Variants in KDM2B observed in about 807,000 individuals in gnomAD.
KDM2B encodes the protein lysine demethylase 2B.
KDM2B carries 26 observed loss-of-function variants against 150.0 expected under a neutral mutation model. That is an observed-to-expected ratio of 0.17 (90% CI 0.13 to 0.24). KDM2B has a LOEUF of 0.24. Among genes scored for constraint, KDM2B ranks in the 10% least tolerant of loss-of-function variants. The probability of loss-of-function intolerance (pLI) is 1.00; values close to 1 mark genes in which losing one functional copy is unlikely to be tolerated. For synonymous variants in KDM2B, 734 were observed against 729.5 expected (o/e 1.01, Z -0.10); for missense variants, 1,265 against 1,816.9 (o/e 0.70, Z 5.52).
intron 8 of KDM2B, among the ~76,000 whole-genome samples, chr12:121,531,458 C>A (rs1387950302): frequency 6.6e-6 from 1 of 152,138 alleles, no homozygotes; most frequent in Non-Finnish European, 1.5e-5. Context: ...TCTTGGTGGC[C>A]TCAAAGGATA....
chr12:121,517,110 C>T (rs973188032), intron 9 of KDM2B, among the ~76,000 whole-genome samples: 30 of 152,216 alleles, frequency 2.0e-4, no homozygotes, highest in Admixed American at 1.6e-3. Flanking sequence ...CATACCTATT[C>T]CCTATCAACC....
In KDM2B at chr12:121,453,040, A is replaced by G; in HGVS notation, c.1959+80T>C. On this transcript the variant is annotated intron_variant, in intron 13 of 22. Transcript: ENST00000377071. The surrounding 1 kb of genome is among the most constrained non-coding windows in gnomAD (Gnocchi z 6.4). Reference sequence around the variant, plus strand: ...CTTCTCTGTGTGCGGAGGGGCGGCCAGAGCGAGCAGCGGTCAGACACGCGG... The same window carrying G: ...CTTCTCTGTGTGCGGAGGGGCGGCCGGAGCGAGCAGCGGTCAGACACGCGG... 1.6e-6 allele frequency: 2 copies of G among 1,260,530 alleles called. No individual in the cohort carries two copies. Among genetic ancestry groups the G allele is most frequent in the Non-Finnish European group, 2.2e-6 (2 of 926,408 alleles). The allele number at this position is 1,260,530 out of a possible 1,614,324, so 78.1% of individuals were successfully genotyped here.
chr12:121,423,584 T>C, the KDM2B span: 1 of 1,610,390 alleles, frequency 6.2e-7, no homozygotes, highest in Non-Finnish European at 8.5e-7. The surrounding 1 kb of genome is among the most constrained non-coding windows in gnomAD (Gnocchi z 4.3). Flanking sequence ...TGAAACAGGC[T>C]CCCCTCACCA....
intron 11 of KDM2B, among the ~76,000 whole-genome samples, chr12:121,507,914 G>A (rs1555303182): frequency 6.6e-6 from 1 of 152,136 alleles, no homozygotes; most frequent in African/African-American, 2.4e-5. Context: ...GGGAGGCTGA[G>A]GCAGAAGGAT....
intron 4 of KDM2B, among the ~76,000 whole-genome samples, chr12:121,557,231 A>ATTTTTTTTTTTTTTTTTTTTTTTTTT (rs142679491): frequency 9.6e-6 from 1 of 103,722 alleles, no homozygotes; most frequent in Non-Finnish European, 1.8e-5. Flanking sequence ...AGACAAGAGA[A>ATTTTTTTTTTTTTTTTTTTTTTTTTT]TTTTTTTTTT....
Position 121,532,967 on chromosome 12 carries a change from G to A in KDM2B, c.778-8C>T, listed in dbSNP as rs1555308093. ...AGGAATCAGCCAAAAAATCTTGGGA[G>A]AAAACACAGGCAGTCAGCTGGAGAC... On this transcript the variant is annotated splice_region_variant and splice_polypyrimidine_tract_variant and intron_variant, in intron 7 of 22. Transcript: ENST00000377071. 1 of 1,614,012 alleles carries A rather than the reference G, an allele frequency of 6.2e-7. No homozygotes were observed. The highest frequency in any genetic ancestry group is 1.3e-5 in the African/African-American group (1 of 75,048).
intron 9 of KDM2B, among the ~76,000 whole-genome samples, chr12:121,514,482 G>GATGGACCCA (rs1189167212): frequency 1.4e-4 from 21 of 151,882 alleles, no homozygotes; most frequent in African/African-American, 5.1e-4. Context: ...CAACGCCACT[G>GATGGACCCA]ATGGACCCAA....
intron 11 of KDM2B, among the ~76,000 whole-genome samples, chr12:121,497,777 A>C (rs1307065555): frequency 6.6e-6 from 1 of 151,958 alleles, no homozygotes; most frequent in Non-Finnish European, 1.5e-5. Flanking sequence ...CTTGGGTGGG[A>C]TCCTAGAACA....
At chr12:121,548,647 G>A (rs1454076356) in intron 6 of KDM2B, among the ~76,000 whole-genome samples, 4 of 152,226 alleles carry the variant, frequency 2.6e-5, no homozygotes, top group Admixed American at 6.5e-5. Flanking sequence ...CCCCAGGGGA[G>A]CTGGTCCCAG....
At chr12:121,570,472 C>A (rs1891015899) in intron 4 of KDM2B, among the ~76,000 whole-genome samples, 1 of 152,156 alleles carries the variant, frequency 6.6e-6, no homozygotes, top group Admixed American at 6.6e-5. Flanking sequence ...CAGGTGTGAG[C>A]CACCGCACCC....
chr12:121,533,073 G>C lies in KDM2B; in HGVS notation c.778-114C>G, dbSNP rs545453346. 17 of 1,028,878 alleles carry C rather than the reference G, an allele frequency of 1.7e-5. No individual in the cohort carries two copies. The African/African-American group carries it at 1.9e-4, about 11-fold the overall frequency. 63.7% of individuals were successfully genotyped at this position (1,028,878 alleles called of 1,614,324 possible). On this transcript the variant is annotated intron_variant, in intron 7 of 22. Transcript: ENST00000377071. The surrounding 1 kb of genome is among the most constrained non-coding windows in gnomAD (Gnocchi z 4.1). ...GGGCGAGACAAGCTGTGTGTGGGGT[G>C]GGGGGTGTGGAGAGATGGCAGATCC...
At chr12:121,419,288 T>C in the KDM2B span, among the ~76,000 whole-genome samples, 1 of 152,228 alleles carries the variant, frequency 6.6e-6, no homozygotes, top group East Asian at 1.9e-4. Context: ...AGCCTAGGTG[T>C]GTAGCAGGCT....
At chr12:121,445,473 CA>C (rs1875995286) in intron 13 of KDM2B, 55 bp from the exon 14 acceptor site, 2 of 1,512,616 alleles carry the variant, frequency 1.3e-6, no homozygotes, top group Non-Finnish European at 1.8e-6. Flanking sequence ...CACGGACCCC[CA>C]GGGGGGCCAG....
intron 13 of KDM2B, among the ~76,000 whole-genome samples, chr12:121,446,882 T>A (rs1400969243): frequency 6.6e-6 from 1 of 152,216 alleles, no homozygotes; most frequent in Non-Finnish European, 1.5e-5. Context: ...GTGCCAATAT[T>A]TGGAAAATCC....
At chr12:121,488,218 A>T (rs1299193237) in intron 12 of KDM2B, among the ~76,000 whole-genome samples, 1 of 152,180 alleles carries the variant, frequency 6.6e-6, no homozygotes, top group African/African-American at 2.4e-5. Flanking sequence ...CAAGCAAATG[A>T]TAATTTTGGG....
intron 12 of KDM2B, among the ~76,000 whole-genome samples, chr12:121,493,572 T>C (rs1555300312): frequency 6.6e-6 from 1 of 152,160 alleles, no homozygotes; most frequent in Non-Finnish European, 1.5e-5. Context: ...ATGGTGGACT[T>C]TGAGGTGAGC....
the KDM2B span, among the ~76,000 whole-genome samples, chr12:121,415,980 T>G: frequency 6.6e-6 from 1 of 152,080 alleles, no homozygotes; most frequent in African/African-American, 2.4e-5. Context: ...ATGCCAGATA[T>G]TCTTTGGAAA....
In KDM2B at chr12:121,580,967, A is replaced by G. The variant is rs1891934417; in HGVS notation, c.-56T>C. The G allele has an allele frequency of 6.3e-7, 1 of 1,590,496 alleles. No homozygotes were observed. Among genetic ancestry groups the G allele is most frequent in the Non-Finnish European group, 8.5e-7 (1 of 1,170,456 alleles). On this transcript the variant is annotated 5_prime_UTR_variant, in exon 1 of 23. Transcript: ENST00000377071. ...AAATTAGCTCGGCTTCCATACCTAT[A>G]AGGACTGCCTAACTTTTAAACTCCC...
At position 121,439,864 on chromosome 12, in the gene KDM2B, G is replaced by A. The variant is rs1465118572; in HGVS notation, c.3822C>T (p.Asn1274=). ...TGGGGGCCCCTGACTCACCAGACAGGTTGATCTCGGTTAAGGAGTCTCGGG... is the reference window on the plus strand; with the variant it reads ...TGGGGGCCCCTGACTCACCAGACAGATTGATCTCGGTTAAGGAGTCTCGGG... ...TTTRDSLTEI[N]LSDCNKVTDQ... The change falls in exon 22 of 23, where the codon AAC becomes AAT. Residue 1274 remains asparagine, a synonymous_variant. Coordinates refer to ENST00000377071, the MANE Select transcript of KDM2B (RefSeq NM_032590.5). 29 of 1,613,920 alleles carry A rather than the reference G, an allele frequency of 1.8e-5. No homozygotes were observed. Among genetic ancestry groups the A allele is most frequent in the Non-Finnish European group, 2.3e-5 (27 of 1,179,878 alleles).
Sources: allele counts gnomAD v4.1 joint callset (sites outside exome capture counted in the v4.1 genomes callset), GRCh38; gene constraint gnomAD v4.1.1; non-coding constraint Gnocchi (gnomAD v3.1); transcripts MANE v1.5; gene names NCBI Gene and HGNC (gene_info 2026-07-23, HGNC 2026-07-21).